DNAH17: variants seen among roughly 807,000 people sequenced by gnomAD.
The protein encoded by DNAH17 is dynein axonemal heavy chain 17, also known as axonemal beta dynein heavy chain 17.
In DNAH17, 376 loss-of-function variants were observed where a neutral mutation model predicts 485.6. The observed-to-expected ratio is 0.77, with a 90% CI of 0.71 to 0.84. DNAH17 has a LOEUF of 0.84. DNAH17 is among the 40% of genes least tolerant of loss of function. The pLI is 0.00. For missense variants in DNAH17, 6,370 were observed against 5,839.3 expected (o/e 1.09, Z -2.96); for synonymous variants, 3,031 against 2,405.9 (o/e 1.26, Z -7.60).
intron 69 of DNAH17, among the ~76,000 whole-genome samples, chr17:78,446,334 C>T (rs1033264218): frequency 2.0e-4 from 31 of 152,108 alleles, no homozygotes; most frequent in Non-Finnish European, 3.7e-4. Flanking sequence ...CACTCCCCAT[C>T]GCCCCTTGCC....
At position 78,451,690 on chromosome 17, in the gene DNAH17, G is replaced by A. The variant is rs769645474; in HGVS notation, c.10530-17C>T. 1 of 1,547,382 alleles carries A rather than the reference G, an allele frequency of 6.5e-7. No homozygotes were observed. ...TTAATGTACCTGGCGGTTGGTGGAG[G>A]AAAGGGTTAGTGGGCCTCCCAGTGA... On this transcript the variant is annotated splice_polypyrimidine_tract_variant and intron_variant, in intron 65 of 80. Coordinates refer to ENST00000389840, the MANE Select transcript of DNAH17 (RefSeq NM_173628.4).
chr17:78,567,332 T>C (rs1426528987), intron 9 of DNAH17, among the ~76,000 whole-genome samples, 166 bp from the exon 10 acceptor site: 1 of 152,058 alleles, frequency 6.6e-6, no homozygotes, highest in African/African-American at 2.4e-5. Flanking sequence ...TGCTGTTCTT[T>C]AAGCAAATAT....
chr17:78,471,580 A>G (rs2088754745), intron 54 of DNAH17, among the ~76,000 whole-genome samples: 1 of 151,918 alleles, frequency 6.6e-6, no homozygotes, highest in African/African-American at 2.4e-5. Flanking sequence ...CAGGCTGGAG[A>G]GCAGTGGCAT....
intron 14 of DNAH17, among the ~76,000 whole-genome samples, chr17:78,554,967 G>A (rs1025419115): frequency 3.9e-5 from 6 of 152,036 alleles, no homozygotes; most frequent in Non-Finnish European, 7.4e-5. Flanking sequence ...GGCTGGCCTC[G>A]AACTCCTGAC....
At position 78,485,778 on chromosome 17, in the gene DNAH17, G is replaced by A. The variant is rs777676745; in HGVS notation, c.7276-21C>T. 13 of 1,610,488 alleles carry A rather than the reference G, an allele frequency of 8.1e-6. No homozygotes were observed. The South Asian group carries it at 1.3e-4, about 16-fold the overall frequency. ...GAGGCCTGGGGCAGGGGAGGGAAGG[G>A]GAGGGAGCTGTGATTCTCAGACACT... On this transcript the variant is annotated intron_variant, in intron 46 of 80. Transcript: ENST00000389840.
At chr17:78,577,128 G>T (rs1174615429) in intron 1 of DNAH17, among the ~76,000 whole-genome samples, 167 bp downstream of exon 1, 1 of 152,134 alleles carries the variant, frequency 6.6e-6, no homozygotes, top group Non-Finnish European at 1.5e-5. Context: ...GCCAGCCTCG[G>T]GGTCCCAGAG....
intron 16 of DNAH17, among the ~76,000 whole-genome samples, chr17:78,547,305 C>T (rs2091789981): frequency 6.6e-6 from 1 of 152,168 alleles, no homozygotes; most frequent in Non-Finnish European, 1.5e-5. Flanking sequence ...GTGAGGATGA[C>T]TTTACTGCTG....
In DNAH17 at chr17:78,486,224, C is replaced by T; in HGVS notation, c.7101G>A (p.Gln2367=). Residue 2367 remains glutamine (Q), a splice_region_variant and synonymous_variant, in exon 45 of 81, where the codon CAG becomes CAA. Coordinates refer to ENST00000389840, the MANE Select transcript of DNAH17 (RefSeq NM_173628.4). ...TGGCCGGGCCCCCCAGGTGCATCACCTGGTCCTGGAACATGGCGCCACCGA... is the reference window on the plus strand; with the variant it reads ...TGGCCGGGCCCCCCAGGTGCATCACTTGGTCCTGGAACATGGCGCCACCGA... The part of the protein sequence containing the change: ...WAFGGAMFQD[Q]LVDYRVEFSK... 1 of 1,588,058 alleles carries T rather than the reference C, an allele frequency of 6.3e-7. No homozygotes were observed.
intron 70 of DNAH17, 48 bp downstream of exon 70, chr17:78,445,510 C>T (rs367601474): frequency 1.2e-4 from 189 of 1,545,940 alleles, no homozygotes; most frequent in Non-Finnish European, 1.5e-4. Context: ...CTGGAGGGGG[C>T]TCCACGGCGG....
At chr17:78,565,728 C>T (rs1434930298) in intron 11 of DNAH17, among the ~76,000 whole-genome samples, 5 of 152,070 alleles carry the variant, frequency 3.3e-5, no homozygotes, top group African/African-American at 1.2e-4. Flanking sequence ...CTGAGGTGGG[C>T]GGATCACCTG....
In DNAH17 at chr17:78,426,570, C is replaced by A; in HGVS notation, c.12802G>T (p.Asp4268Tyr). 1 of 1,612,288 alleles carries A rather than the reference C, an allele frequency of 6.2e-7. No homozygotes were observed. Among genetic ancestry groups the A allele is most frequent in the Non-Finnish European group, 8.5e-7 (1 of 1,178,856 alleles). The part of the protein sequence containing the change: ...GELTITTDVE[D>Y]LSTALFYDTV... ...TCATAGAAGAGAGCCGTGGACAGAT[C>A]TTCCACGTCGGTCGTGATGGTCAGT... Residue 4268 changes from aspartate to tyrosine, a missense_variant, in exon 79 of 81, where the codon GAT (aspartate) becomes TAT (tyrosine). Transcript: ENST00000389840.
At chr17:78,510,597 C>A in intron 26 of DNAH17, 91 bp from the exon 27 acceptor site, 1 of 1,549,114 alleles carries the variant, frequency 6.5e-7, no homozygotes, top group Non-Finnish European at 8.8e-7. Context: ...GAGCCATTGC[C>A]GGGGCACGAT....
In DNAH17 at chr17:78,437,751, C is replaced by T. The variant is rs928111616; in HGVS notation, c.11923G>A (p.Glu3975Lys). The stretch of plus-strand genomic sequence containing the variant: ...ATGCCCTGGGGGATGATGTGGGTCT[C>T]GGGGCTGGGGGCAGGCTCCGCGCTG... ...FISAEPAPSPETHIIPQGILE... is the reference protein window; with the variant it reads ...FISAEPAPSPKTHIIPQGILE... Residue 3975 changes from glutamate to lysine, a missense_variant, in exon 74 of 81, where the codon GAG (glutamate) becomes AAG (lysine). By Grantham distance (56) the Glu-to-Lys change is moderately conservative. Transcript: ENST00000389840. 35 of 1,612,428 alleles carry T rather than the reference C, an allele frequency of 2.2e-5. No individual in the cohort carries two copies. Among genetic ancestry groups the T allele is most frequent in the African/African-American group, 2.7e-5 (2 of 74,918 alleles).
Position 78,476,508 on chromosome 17 carries a change from G to A in DNAH17, c.8154+64C>T, listed in dbSNP as rs934279888. 1.8e-5 allele frequency: 27 copies of A among 1,527,162 alleles called. No individual in the cohort carries two copies. The African/African-American group carries it at 2.4e-4, about 13-fold the overall frequency. 94.6% of individuals were successfully genotyped at this position (1,527,162 alleles called of 1,614,324 possible). The stretch of plus-strand genomic sequence containing the variant: ...GAGAGGGCTGCAGTTCTCATTGGCC[G>A]CCGACACTCCACCCTCCTGGAGCCA... On this transcript the variant is annotated intron_variant, in intron 52 of 80. Transcript: ENST00000389840.
At position 78,445,652 on chromosome 17, in the gene DNAH17, G is replaced by A. The variant is rs998371750; in HGVS notation, c.11240C>T (p.Pro3747Leu). 5 of 1,578,668 alleles carry A rather than the reference G, an allele frequency of 3.2e-6. No homozygotes were observed. Among genetic ancestry groups the A allele is most frequent in the South Asian group, 1.2e-5 (1 of 85,890 alleles). The part of the protein sequence containing the change: ...QVLSMKKELN[P>L]VELDFLLRFP... ...CCGCAGGAGGAAATCCAGCTCCACT[G>A]GGTTCAGCTCCTTCTTCATGGACAG... is the stretch of plus-strand genomic sequence containing the variant. The change falls in exon 70 of 81, where the codon CCA becomes CTA. Residue 3747 changes from proline (P) to leucine (L), a missense_variant. Pro to Leu is a moderately conservative substitution (Grantham distance 98). Coordinates refer to ENST00000389840, the MANE Select transcript of DNAH17 (RefSeq NM_173628.4).
Position 78,569,196 on chromosome 17 carries a change from A to G in DNAH17, c.1254T>C (p.Asn418=), listed in dbSNP as rs757695184. 13 of 1,608,132 alleles carry G rather than the reference A, an allele frequency of 8.1e-6. 1 individual carries two copies. The South Asian group carries it at 1.3e-4, about 17-fold the overall frequency. ...TGGTCTGGATGCGCTGGAAGAAGGA[A>G]TTTATCCTGGAAAAGGCAAGAGAAG... ...FPSSLAFSRI[N]SFFQRIQTIE... The change falls in exon 9 of 81, where the codon AAT becomes AAC. Residue 418 remains asparagine (N), a synonymous_variant. Coordinates refer to ENST00000389840, the MANE Select transcript of DNAH17 (RefSeq NM_173628.4).
intron 54 of DNAH17, among the ~76,000 whole-genome samples, chr17:78,472,212 T>G (rs2088784224): frequency 1.7e-5 from 2 of 120,776 alleles, no homozygotes; most frequent in African/African-American, 3.4e-5. Flanking sequence ...GATTTGGGAG[T>G]GGGGGTGTGT....
intron 16 of DNAH17, among the ~76,000 whole-genome samples, chr17:78,551,231 G>A (rs746501600): frequency 8.5e-5 from 13 of 152,194 alleles, no homozygotes; most frequent in South Asian, 4.1e-4. Flanking sequence ...CAACGGGCTC[G>A]TTCCCAGTGG....
At chr17:78,513,639 T>C (rs1034439816) in intron 26 of DNAH17, among the ~76,000 whole-genome samples, 1 of 152,178 alleles carries the variant, frequency 6.6e-6, no homozygotes, top group African/African-American at 2.4e-5. Flanking sequence ...TTTCACCATG[T>C]TGGCCAGGCT....
Sources: gnomAD v4.1 joint callset for allele counts (sites outside exome capture counted in the v4.1 genomes callset) on GRCh38, gnomAD v4.1.1 for gene constraint, MANE v1.5 for transcripts, NCBI Gene and HGNC (gene_info 2026-07-23, HGNC 2026-07-21) for gene names.